Variants in NSD1 observed in about 807,000 individuals in gnomAD.
The protein encoded by NSD1 is histone-lysine N-methyltransferase, H3 lysine-36 specific.
In NSD1, 26 loss-of-function variants were observed where a neutral mutation model predicts 242.7. That is an observed-to-expected ratio of 0.11 (90% CI 0.08 to 0.15). The LOEUF (loss-of-function observed/expected upper bound fraction) is 0.15, where lower values mean the gene tolerates loss of function less well. NSD1 is among the 10% of genes least tolerant of loss of function. The pLI is 1.00. For missense variants in NSD1, 2,495 were observed against 3,272.8 expected (o/e 0.76, Z 5.80); for synonymous variants, 1,106 against 1,178.1 (o/e 0.94, Z 1.25).
intron 5 of NSD1, among the ~76,000 whole-genome samples, chr5:177,233,165 T>C (rs1389035877): frequency 6.6e-6 from 1 of 152,106 alleles, no homozygotes; most frequent in East Asian, 1.9e-4. Flanking sequence ...GCCTTGATCT[T>C]CCAGACTCAA....
At chr5:177,175,156 C>T (rs1168568839) in intron 2 of NSD1, among the ~76,000 whole-genome samples, 1 of 152,176 alleles carries the variant, frequency 6.6e-6, no homozygotes. Context: ...TAGGCGTGAG[C>T]CACTACACCC....
intron 2 of NSD1, chr5:177,136,930 C>A: frequency 2.9e-6 from 2 of 700,952 alleles, no homozygotes; most frequent in Non-Finnish European, 5.2e-6. Context: ...TCATTCGATC[C>A]TCCTGCATCA....
At chr5:177,240,372 AT>A (rs913007362) in intron 8 of NSD1, among the ~76,000 whole-genome samples, 254 of 148,358 alleles carry the variant, frequency 1.7e-3, no homozygotes, top group African/African-American at 5.9e-3. Context: ...CTGGGTATCA[AT>A]TTTTTTTTTA....
intron 2 of NSD1, among the ~76,000 whole-genome samples, chr5:177,165,596 T>C (rs1349584103): frequency 1.3e-5 from 2 of 152,140 alleles, no homozygotes; most frequent in Non-Finnish European, 1.5e-5. Context: ...TGACATTCTT[T>C]TTCTTTCTCT....
intron 20 of NSD1, among the ~76,000 whole-genome samples, chr5:177,284,276 C>A (rs1018864129): frequency 5.3e-5 from 8 of 152,074 alleles, no homozygotes; most frequent in Non-Finnish European, 7.4e-5. Context: ...TTCATTCATT[C>A]ATTGATTCAT....
intron 5 of NSD1, among the ~76,000 whole-genome samples, chr5:177,213,182 GAGGATAA>G (rs1406653437): frequency 6.6e-6 from 1 of 152,190 alleles, no homozygotes; most frequent in Non-Finnish European, 1.5e-5. Flanking sequence ...GTATACAGTT[GAGGATAA>G]AGCAGTGTGT....
Position 177,239,978 on chromosome 5 carries a change from G to A in NSD1, c.4302+113G>A, listed in dbSNP as rs1410874208. 7.3e-6 allele frequency: 5 copies of A among 680,578 alleles called. No homozygotes were observed. The East Asian group carries it at 8.5e-5, about 12-fold the overall frequency. The allele number at this position is 680,578 out of a possible 1,614,324, so 42.2% of individuals were successfully genotyped here. A position where few individuals can be genotyped will look rare whatever the true frequency, so the allele number is the denominator to read the frequency against. The stretch of plus-strand genomic sequence containing the variant: ...GATGTACATACATATAGAAATTAGT[G>A]TGTGTGTCAGCAGTCATACATGATC... On this transcript the variant is annotated intron_variant, in intron 8 of 22. Transcript: ENST00000439151.
chr5:177,291,399 A>G (rs1414579663), intron 21 of NSD1, among the ~76,000 whole-genome samples: 1 of 152,208 alleles, frequency 6.6e-6, no homozygotes, highest in African/African-American at 2.4e-5. Flanking sequence ...TCACGCCTGT[A>G]ATCCTAGCAC....
chr5:177,195,444 C>T lies in NSD1; in HGVS notation c.1063+3425C>T, dbSNP rs556585992. ...TCCCTATGACTGCTGGTTTCTTACT[C>T]ATTAGGGTGTCTCTCTCTCTCTCTC... On this transcript the variant is annotated intron_variant, in intron 3 of 22. Coordinates refer to ENST00000439151, the MANE Select transcript of NSD1 (RefSeq NM_022455.5). Among the ~76,000 whole-genome samples, 190 of 151,464 alleles carry T rather than the reference C, an allele frequency of 1.3e-3. 1 individual carries two copies. Among genetic ancestry groups the T allele is most frequent in the African/African-American group, 4.6e-3 (186 of 40,866 alleles).
chr5:177,244,870 C>G (rs758483770), intron 9 of NSD1, among the ~76,000 whole-genome samples: 10 of 151,956 alleles, frequency 6.6e-5, no homozygotes, highest in Non-Finnish European at 1.5e-4. Flanking sequence ...AATTGTAATC[C>G]CATAGGTTGG....
Position 177,209,605 on chromosome 5 carries a change from G to A in NSD1, c.1237-31G>A, listed in dbSNP as rs761305621. The stretch of plus-strand genomic sequence containing the variant: ...TTTCCCCCACCCATTTCTTTGATAA[G>A]TGATAATTCTTTTTCTCCTTTAAAT... On this transcript the variant is annotated intron_variant, in intron 4 of 22. Coordinates refer to ENST00000439151, the MANE Select transcript of NSD1 (RefSeq NM_022455.5). 7 of 1,548,404 alleles carry A rather than the reference G, an allele frequency of 4.5e-6. No homozygotes were observed. The South Asian group carries it at 6.7e-5, about 15-fold the overall frequency.
rs1763529011 is a variant in NSD1 at position 177,213,567 on chromosome 5, A to G, written c.3796+1372A>G. Among the ~76,000 whole-genome samples the G allele has an allele frequency of 3.9e-5, 6 of 151,928 alleles. No homozygotes were observed. The South Asian group carries it at 1.0e-3, about 26-fold the overall frequency. On this transcript the variant is annotated intron_variant, in intron 5 of 22. Coordinates refer to ENST00000439151, the MANE Select transcript of NSD1 (RefSeq NM_022455.5). ...ACTGCAGGCTCCGCCTCCCGGGTTC[A>G]CGCCATTCTCCTGCCTCAGCCTCCT... is the stretch of plus-strand genomic sequence containing the variant.
At chr5:177,220,793 G>A (rs1388887354) in intron 5 of NSD1, among the ~76,000 whole-genome samples, 1 of 151,820 alleles carries the variant, frequency 6.6e-6, no homozygotes, top group African/African-American at 2.4e-5. Context: ...CCAGTCTCAA[G>A]TGATCTTCCT....
intron 2 of NSD1, among the ~76,000 whole-genome samples, chr5:177,174,871 C>CTTTTTTTTT (rs377543241): frequency 1.1e-5 from 1 of 89,682 alleles, no homozygotes; most frequent in Non-Finnish European, 2.0e-5. Flanking sequence ...CCTTATCTGA[C>CTTTTTTTTT]TTTTTTTTTT....
intron 2 of NSD1, among the ~76,000 whole-genome samples, chr5:177,144,693 G>A (rs1208448852): frequency 6.6e-6 from 1 of 152,106 alleles, no homozygotes; most frequent in Non-Finnish European, 1.5e-5. Flanking sequence ...TTAGTGGTAG[G>A]ATAATAACAA....
Position 177,209,876 on chromosome 5 carries a change from C to G in NSD1, c.1477C>G (p.Pro493Ala), listed in dbSNP as rs375051877. 1.9e-5 allele frequency: 30 copies of G among 1,613,996 alleles called. No homozygotes were observed. In the African/African-American group the frequency reaches 3.5e-4, roughly 19 times the overall value. ...SEHSADEKEK[P>A]CAKSRARKSS... ...ACATTCTGCAGATGAGAAGGAAAAG[C>G]CTTGCGCTAAATCTCGAGCCAGAAA... The change falls in exon 5 of 23, where the codon CCT becomes GCT. Residue 493 changes from proline (P) to alanine (A), a missense_variant. By Grantham distance (27) the Pro-to-Ala change is conservative (BLOSUM62 -1). This residue lies in a region of NSD1 where 515 missense variants were observed against 467.0 expected (regional missense o/e 1.10). Transcript: ENST00000439151.
intron 5 of NSD1, among the ~76,000 whole-genome samples, chr5:177,230,826 CAAA>C (rs531025218): frequency 7.8e-6 from 1 of 127,496 alleles, no homozygotes; most frequent in Non-Finnish European, 1.7e-5. Context: ...GACTCCGACT[CAAA>C]AAAAAAAAAG....
rs138673583 is a variant in NSD1, at chr5:177,211,367, G to A, written c.2968G>A (p.Glu990Lys). 1.6e-4 allele frequency: 259 copies of A among 1,613,996 alleles called. No individual in the cohort carries two copies. The highest frequency in any genetic ancestry group is 2.1e-4 in the Non-Finnish European group (253 of 1,180,038). Reference protein sequence around the residue: ...PSGGDSALSGELSASLPGLLS... With the variant: ...PSGGDSALSGKLSASLPGLLS... ...TGGGGGTGACTCTGCATTATCTGGCGAGTTGTCTGCTTCCCTACCTGGCTT... is the reference window on the plus strand; with the variant it reads ...TGGGGGTGACTCTGCATTATCTGGCAAGTTGTCTGCTTCCCTACCTGGCTT... Residue 990 changes from glutamate (E) to lysine (K), a missense_variant, in exon 5 of 23, where the codon GAG becomes AAG. This residue lies in a region of NSD1 where 426 missense variants were observed against 411.4 expected (regional missense o/e 1.04). Coordinates refer to ENST00000439151, the MANE Select transcript of NSD1 (RefSeq NM_022455.5).
chr5:177,194,842 C>T (rs1029612595), intron 3 of NSD1, among the ~76,000 whole-genome samples: 2 of 151,470 alleles, frequency 1.3e-5, no homozygotes, highest in Non-Finnish European at 2.9e-5. Context: ...CCTGGGACTA[C>T]AGGTGCCAGA....
Sources: allele counts gnomAD v4.1 joint callset (sites outside exome capture counted in the v4.1 genomes callset), GRCh38; gene constraint gnomAD v4.1.1; regional missense constraint gnomAD v4.1.1; transcripts MANE v1.5; gene names NCBI Gene and HGNC (gene_info 2026-07-23, HGNC 2026-07-21).